The following JAK1 variants were observed in gnomAD, a reference collection of about 807,000 sequenced individuals.
The protein encoded by JAK1 is Janus kinase 1, also known as tyrosine-protein kinase JAK1.
A neutral mutation model predicts 136.6 loss-of-function variants in JAK1; 16 were observed. The observed-to-expected ratio is 0.12, with a 90% CI of 0.08 to 0.18. The LOEUF is 0.18. Among genes scored for constraint, JAK1 ranks in the 10% least tolerant of loss-of-function variants. The pLI is 1.00. For missense variants in JAK1, 859 were observed against 1,450.1 expected, an observed-to-expected ratio of 0.59 and a Z score of 6.62; for synonymous variants, 492 against 519.5, an observed-to-expected ratio of 0.95 and a Z score of 0.72.
chr1:65,005,847 A>G (rs762489362), intron 2 of JAK1, among the ~76,000 whole-genome samples: 8 of 152,230 alleles, frequency 5.3e-5, no homozygotes, highest in Non-Finnish European at 1.2e-4. Flanking sequence ...AAAATTAGCC[A>G]AGATGGTCTT....
intron 1 of JAK1, among the ~76,000 whole-genome samples, chr1:64,907,253 A>G (rs997516536): frequency 6.6e-6 from 1 of 152,184 alleles, no homozygotes; most frequent in Non-Finnish European, 1.5e-5. Context: ...ATATACTTAC[A>G]TATTCCTCCT....
chr1:64,984,941 G>A lies in JAK1; in HGVS notation c.-78+59539C>T. On this transcript the variant is annotated intron_variant, in intron 2 of 25. Transcript: ENST00000671954. This position sits in a 1 kb window ranked among gnomAD's most constrained non-coding sequence, Gnocchi z 4.1. The stretch of plus-strand genomic sequence containing the variant: ...TGAAGAGTTCAGCCACAATAAACCA[G>A]GGAATGTGGTCTGGCCCAATTTCAA... 9.2e-7 allele frequency: 1 copy of A among 1,088,552 alleles called. No individual in the cohort carries two copies. The highest frequency in any genetic ancestry group is 1.4e-6 in the Non-Finnish European group (1 of 705,200). The allele number at this position is 1,088,552 out of a possible 1,614,324, so 67.4% of individuals were successfully genotyped here. A position where few individuals can be genotyped will look rare whatever the true frequency, so the allele number is the denominator to read the frequency against.
At chr1:64,981,046 A>AT (rs1646540923) in intron 2 of JAK1, among the ~76,000 whole-genome samples, 3 of 152,192 alleles carry the variant, frequency 2.0e-5, no homozygotes, top group South Asian at 4.1e-4. Flanking sequence ...TTCTCAACTG[A>AT]TTTTTTCCAA....
chr1:64,966,060 G>A (rs1646369775), intron 1 of JAK1, among the ~76,000 whole-genome samples: 1 of 151,952 alleles, frequency 6.6e-6, no homozygotes, highest in Non-Finnish European at 1.5e-5. Flanking sequence ...GTGCGCGCTG[G>A]GGGAGGGGGC....
intron 5 of JAK1, among the ~76,000 whole-genome samples, chr1:64,872,956 C>T (rs1468783216): frequency 6.6e-6 from 1 of 152,096 alleles, no homozygotes; most frequent in East Asian, 1.9e-4. Flanking sequence ...TATCCTACCA[C>T]CAGTGACAGA....
Position 64,836,189 on chromosome 1 carries a change from G to C in JAK1, c.3167C>G (p.Ser1056Cys). Residue 1056 changes from serine (S) to cysteine (C), a missense_variant, in exon 23 of 25, where the codon TCT becomes TGT. By Grantham distance (112) the Ser-to-Cys change is moderately radical. This residue lies in a region of JAK1 where 44 missense variants were observed against 137.6 expected (regional missense o/e 0.32). Coordinates refer to ENST00000342505, the MANE Select transcript of JAK1 (RefSeq NM_002227.4). Reference sequence around the variant, plus strand: ...GACGTCAGAGGCAATATAAAATTTAGATTGCATTAAACATTCTGGAGCATA... The same window carrying C: ...GACGTCAGAGGCAATATAAAATTTACATTGCATTAAACATTCTGGAGCATA... ...FWYAPECLMQ[S>C]KFYIASDVWS... 5 of 1,609,996 alleles carry C rather than the reference G, an allele frequency of 3.1e-6. No individual in the cohort carries two copies. The highest frequency in any genetic ancestry group is 4.3e-6 in the Non-Finnish European group (5 of 1,176,288).
intron 1 of JAK1, among the ~76,000 whole-genome samples, chr1:65,059,043 G>T (rs984733515): frequency 3.3e-5 from 5 of 150,936 alleles, no homozygotes; most frequent in Non-Finnish European, 7.4e-5. Flanking sequence ...TTCTCATTTG[G>T]TTTTCACAAG....
intron 9 of JAK1, among the ~76,000 whole-genome samples, chr1:64,859,303 T>C (rs1024368387): frequency 3.3e-5 from 5 of 152,192 alleles, no homozygotes; most frequent in Non-Finnish European, 7.3e-5. Context: ...GTCAAAAGAA[T>C]CCCTGTTGTC....
At chr1:64,952,805 T>C (rs1646114724) in intron 1 of JAK1, among the ~76,000 whole-genome samples, 1 of 152,174 alleles carries the variant, frequency 6.6e-6, no homozygotes, top group Non-Finnish European at 1.5e-5. Context: ...TAAACTCCAA[T>C]AGGGTATTGG....
chr1:64,954,349 T>G (rs181139979), intron 1 of JAK1, among the ~76,000 whole-genome samples: 1 of 152,324 alleles, frequency 6.6e-6, no homozygotes, highest in Admixed American at 6.5e-5. Flanking sequence ...ACCCAACAAC[T>G]GACACAGTAA....
intron 1 of JAK1, among the ~76,000 whole-genome samples, chr1:64,928,012 C>T (rs1317686943): frequency 6.6e-6 from 1 of 152,232 alleles, no homozygotes; most frequent in Admixed American, 6.5e-5. Context: ...AATATATAGA[C>T]TAGCAGCAGC....
chr1:64,883,468 T>C lies in JAK1; in HGVS notation c.14A>G (p.Asn5Ser), dbSNP rs752706988. Reference sequence around the variant, plus strand: ...CATGGCATTGCAGTCCTCTTTTATATTTAGATACTGTTGTGGAAGGAAAAC... The same window carrying C: ...CATGGCATTGCAGTCCTCTTTTATACTTAGATACTGTTGTGGAAGGAAAAC... MQYL[N>S]IKEDCNAMAF... The change falls in exon 3 of 25, where the codon AAT becomes AGT. Residue 5 changes from asparagine (N) to serine (S), a missense_variant. By Grantham distance (46) the Asn-to-Ser change is conservative. Around this residue, in one of 4 missense-constraint regions of JAK1, gnomAD observed 353 missense variants for 494.0 expected, o/e 0.71. Transcript: ENST00000342505. 1 of 1,613,520 alleles carries C rather than the reference T, an allele frequency of 6.2e-7. No homozygotes were observed.
At chr1:64,910,038 C>T (rs1469952852) in intron 1 of JAK1, among the ~76,000 whole-genome samples, 2 of 152,148 alleles carry the variant, frequency 1.3e-5, no homozygotes, top group African/African-American at 4.8e-5. Context: ...GTATAGGTCT[C>T]TGTACCACAA....
intron 2 of JAK1, among the ~76,000 whole-genome samples, chr1:64,975,462 C>G (rs1646490382): frequency 6.6e-6 from 1 of 152,190 alleles, no homozygotes; most frequent in South Asian, 2.1e-4. Context: ...CCTCTGCATG[C>G]ATGCTCAGGG....
intron 1 of JAK1, among the ~76,000 whole-genome samples, chr1:65,052,439 A>G (rs113350723): frequency 1.7e-4 from 26 of 152,188 alleles, no homozygotes; most frequent in African/African-American, 6.0e-4. Flanking sequence ...GCACTTTGGG[A>G]GGCCGAGGCA....
At chr1:64,922,898 C>A (rs1645519950) in intron 1 of JAK1, among the ~76,000 whole-genome samples, 1 of 152,170 alleles carries the variant, frequency 6.6e-6, no homozygotes, top group Admixed American at 6.6e-5. Flanking sequence ...CTAAGCCTTA[C>A]ATTTCTGCAT....
intron 2 of JAK1, among the ~76,000 whole-genome samples, chr1:65,002,161 G>A (rs1646764619): frequency 6.6e-6 from 1 of 152,194 alleles, no homozygotes; most frequent in African/African-American, 2.4e-5. Context: ...ACGTATATAC[G>A]TATGTTTGTG....
At chr1:65,057,967 C>A (rs932234877) in intron 1 of JAK1, 5 of 153,148 alleles carry the variant, frequency 3.3e-5, no homozygotes, top group African/African-American at 1.2e-4. Context: ...CTTCAGTAAG[C>A]TGGTCTACAA....
At chr1:64,985,985 C>A in intron 2 of JAK1, 1 of 1,278,300 alleles carries the variant, frequency 7.8e-7, no homozygotes, top group South Asian at 1.2e-5. Context: ...CCCTTATGAT[C>A]ATCTCAGGAG....
Sources: allele counts gnomAD v4.1 joint callset (sites outside exome capture counted in the v4.1 genomes callset), GRCh38; gene constraint gnomAD v4.1.1; regional missense constraint gnomAD v4.1.1; non-coding constraint Gnocchi (gnomAD v3.1); transcripts MANE v1.5; gene names NCBI Gene and HGNC (gene_info 2026-07-23, HGNC 2026-07-21).